PPP1R12A: variants seen among roughly 807,000 people sequenced by gnomAD.
PPP1R12A encodes the protein protein phosphatase 1 regulatory subunit 12A.
Under a neutral mutation model 139.6 loss-of-function variants are expected in PPP1R12A, and 19 were observed. That is an observed-to-expected ratio of 0.14 (90% confidence interval 0.09 to 0.20). The LOEUF is 0.20. Ranked by LOEUF, PPP1R12A falls within the 10% of genes least tolerant of loss-of-function variation. The pLI is 1.00. For missense variants in PPP1R12A, 925 were observed against 1,211.5 expected, an observed-to-expected ratio of 0.76 and a Z score of 3.51; for synonymous variants, 427 against 420.6, an observed-to-expected ratio of 1.02 and a Z score of -0.19.
intron 1 of PPP1R12A, among the ~76,000 whole-genome samples, chr12:79,905,409 T>C (rs893413560): frequency 1.4e-5 from 2 of 139,670 alleles, no homozygotes; most frequent in African/African-American, 2.6e-5. Context: ...CTGGCAATCA[T>C]TTTACATTCT....
At chr12:79,878,538 T>C (rs1232527182) in intron 1 of PPP1R12A, 3 of 152,220 alleles carry the variant, frequency 2.0e-5, no homozygotes, top group South Asian at 2.1e-4. Context: ...TCCGTTCTTA[T>C]GCTGCTAATA....
intron 1 of PPP1R12A, among the ~76,000 whole-genome samples, chr12:79,914,191 G>T (rs1220792788): frequency 6.6e-6 from 1 of 151,752 alleles, no homozygotes; most frequent in African/African-American, 2.4e-5. Flanking sequence ...ACCTCTTTGG[G>T]TTCCTCAATT....
rs200571603 is a variant in PPP1R12A, at chr12:79,809,972, T to G, written c.1278A>C (p.Glu426Asp). The G allele has an allele frequency of 3.7e-4, 591 of 1,613,064 alleles. 1 individual carries two copies. Among genetic ancestry groups the G allele is most frequent in the Non-Finnish European group, 4.2e-4 (491 of 1,179,584 alleles). Residue 426 changes from glutamate to aspartate, a missense_variant, in exon 10 of 25, where the codon GAA becomes GAC. Glu to Asp is a conservative substitution (Grantham distance 45). Transcript: ENST00000450142. ...TTATKISPKE[E>D]ERKDESPATW... ...TTGCAGGAGACTCATCTTTTCTCTC[T>G]TCTTCTTTGGGAGAAATTTTTGTAG... is the stretch of plus-strand genomic sequence containing the variant.
chr12:79,855,270 G>A (rs1447633888), intron 2 of PPP1R12A, among the ~76,000 whole-genome samples: 1 of 152,058 alleles, frequency 6.6e-6, no homozygotes, highest in South Asian at 2.1e-4. Flanking sequence ...TTACATGTGT[G>A]AGCCACCGCG....
intron 22 of PPP1R12A, chr12:79,782,256 A>C (rs1272873120): frequency 5.7e-6 from 1 of 175,656 alleles, no homozygotes; most frequent in East Asian, 1.6e-4. Context: ...CTTGATTGAA[A>C]TATATTCATC....
At chr12:79,818,723 T>G (rs774225464) in intron 8 of PPP1R12A, 1 of 152,204 alleles carries the variant, frequency 6.6e-6, no homozygotes, top group Non-Finnish European at 1.5e-5. Context: ...TAACTAAAAC[T>G]TATGGTTGCA....
chr12:79,865,527 T>C (rs766839039), intron 2 of PPP1R12A, among the ~76,000 whole-genome samples: 21 of 152,148 alleles, frequency 1.4e-4, no homozygotes, highest in Non-Finnish European at 2.6e-4. Context: ...GGAAGTCAAA[T>C]TGTCTCTGTT....
intron 20 of PPP1R12A, chr12:79,789,530 A>T (rs571284832): frequency 9.9e-5 from 39 of 393,138 alleles, no homozygotes; most frequent in African/African-American, 7.6e-4. Flanking sequence ...GTTTGTCCTA[A>T]GCAGGAAAAA....
chr12:79,934,990 G>A lies in PPP1R12A; in HGVS notation c.-59C>T. On this transcript the variant is annotated 5_prime_UTR_variant, in exon 1 of 25. Coordinates refer to ENST00000450142, the MANE Select transcript of PPP1R12A (RefSeq NM_002480.3). ...GGGGGGGAAGGGGGAGGCGGAGAGG[G>A]AAGAGAGGGGAGGCAGGGGGTGTGT... 6.6e-7 allele frequency: 1 copy of A among 1,513,578 alleles called. No individual in the cohort carries two copies. The highest frequency in any genetic ancestry group is 1.3e-5 in the South Asian group (1 of 78,664). The allele number at this position is 1,513,578 out of a possible 1,614,324, so 93.8% of individuals were successfully genotyped here.
rs529557993 is a variant in PPP1R12A at position 79,912,358 on chromosome 12, T to G, written c.237+22337A>C. Among the ~76,000 whole-genome samples, 15 of 152,316 alleles carry G rather than the reference T, an allele frequency of 9.8e-5. No homozygotes were observed. The South Asian group carries it at 3.1e-3, about 32-fold the overall frequency. ...TCTCTGTATTCCTTAGCTCCCAGTA[T>G]TATGACCGGCACACACAAGGCAGGC... On this transcript the variant is annotated intron_variant, in intron 1 of 24. Transcript: ENST00000450142.
chr12:79,895,568 C>T (rs910780065), intron 1 of PPP1R12A, among the ~76,000 whole-genome samples: 2 of 151,994 alleles, frequency 1.3e-5, no homozygotes, highest in African/African-American at 4.8e-5. Flanking sequence ...ATGTCTGATC[C>T]AAATGGAACA....
rs77187899 is a variant in PPP1R12A at position 79,904,548 on chromosome 12, T to A, written c.237+30147A>T. On this transcript the variant is annotated intron_variant, in intron 1 of 24. Coordinates refer to ENST00000450142, the MANE Select transcript of PPP1R12A (RefSeq NM_002480.3). ...ACGAAAACCTTGCTGCAGAATATTA[T>A]TATCATTTAACAAGCTCTGAAGAGG... is the stretch of plus-strand genomic sequence containing the variant. Among the ~76,000 whole-genome samples, 1,132 of 152,268 alleles carry A rather than the reference T, an allele frequency of 7.4e-3. 46 individuals are homozygous for A. The East Asian group carries it at 0.076, about 10-fold the overall frequency.
intron 1 of PPP1R12A, among the ~76,000 whole-genome samples, chr12:79,916,370 T>C (rs1194198822): frequency 5.6e-5 from 1 of 17,938 alleles, no homozygotes; most frequent in Non-Finnish European, 8.9e-5. Flanking sequence ...TGGGGCTGTT[T>C]TTTCAATTCA....
intron 1 of PPP1R12A, among the ~76,000 whole-genome samples, chr12:79,899,458 A>G (rs1169437706): frequency 6.6e-6 from 1 of 152,008 alleles, no homozygotes; most frequent in African/African-American, 2.4e-5. Context: ...TGGCCATTCT[A>G]AAACTTCATG....
At chr12:79,868,965 GA>G (rs1814259053) in intron 2 of PPP1R12A, among the ~76,000 whole-genome samples, 1 of 152,282 alleles carries the variant, frequency 6.6e-6, no homozygotes, top group South Asian at 2.1e-4. Context: ...TCTTAAGAAT[GA>G]AAAAGTCAAG....
intron 9 of PPP1R12A, among the ~76,000 whole-genome samples, chr12:79,814,907 C>T (rs1875146869): frequency 7.4e-6 from 1 of 134,496 alleles, no homozygotes; most frequent in Non-Finnish European, 1.6e-5. Flanking sequence ...AACAAAGAAA[C>T]AATATAATCT....
At chr12:79,852,432 G>A (rs915683860) in intron 2 of PPP1R12A, among the ~76,000 whole-genome samples, 2 of 151,932 alleles carry the variant, frequency 1.3e-5, no homozygotes, top group Non-Finnish European at 2.9e-5. Flanking sequence ...CTAGACTCAG[G>A]TGATCCACCC....
At chr12:79,872,989 A>T in intron 1 of PPP1R12A, 51 bp from the exon 2 acceptor site, 2 of 1,538,886 alleles carry the variant, frequency 1.3e-6, no homozygotes, top group Non-Finnish European at 1.8e-6. Context: ...TTAACACTCC[A>T]AATAATACAT....
chr12:79,787,460 T>A (rs943918966), intron 21 of PPP1R12A: 2 of 152,216 alleles, frequency 1.3e-5, no homozygotes, highest in Non-Finnish European at 2.9e-5. Context: ...CCGTTAACTA[T>A]TAGTAATCCT....
Sources: allele counts gnomAD v4.1 joint callset (sites outside exome capture counted in the v4.1 genomes callset), GRCh38; gene constraint gnomAD v4.1.1; transcripts MANE v1.5; gene names NCBI Gene and HGNC (gene_info 2026-07-23, HGNC 2026-07-21).